SUPT3H: variants seen among roughly 807,000 people sequenced by gnomAD.
SUPT3H encodes transcription initiation protein SPT3 homolog.
SUPT3H carries 44 observed loss-of-function variants against 44.3 expected under a neutral mutation model. The observed-to-expected ratio is 0.99, with a 90% CI of 0.78 to 1.28. The LOEUF is 1.28. Among genes scored for constraint, SUPT3H ranks in the 50% most tolerant of loss-of-function variants. SUPT3H has a pLI of 0.00. For synonymous variants in SUPT3H, 124 were observed against 125.6 expected (o/e 0.99, Z 0.09); for missense variants, 380 against 387.1 (o/e 0.98, Z 0.15).
chr6:45,230,736 G>A (rs1202293194), intron 2 of SUPT3H, among the ~76,000 whole-genome samples: 5 of 142,766 alleles, frequency 3.5e-5, no homozygotes, highest in South Asian at 4.6e-4. Flanking sequence ...GCAGTGGCAC[G>A]ATCTCGGCTC....
intron 10 of SUPT3H, among the ~76,000 whole-genome samples, chr6:44,879,817 C>G (rs965043523): frequency 3.3e-5 from 5 of 152,184 alleles, no homozygotes; most frequent in Admixed American, 2.6e-4. Flanking sequence ...CATACTCCAG[C>G]AGACCTGCAG....
chr6:44,975,602 G>A (rs947517844), intron 6 of SUPT3H, among the ~76,000 whole-genome samples: 1 of 151,772 alleles, frequency 6.6e-6, no homozygotes, highest in South Asian at 2.1e-4. Flanking sequence ...GGGGGTGAGG[G>A]ATAAAAGACT....
chr6:45,375,787 T>C (rs1248558799), intron 1 of SUPT3H, among the ~76,000 whole-genome samples: 1 of 152,118 alleles, frequency 6.6e-6, no homozygotes, highest in Non-Finnish European at 1.5e-5. Flanking sequence ...TTTGTTCTTT[T>C]AGTTTTATTT....
intron 2 of SUPT3H, among the ~76,000 whole-genome samples, chr6:45,196,529 T>G (rs996927019): frequency 6.6e-6 from 1 of 152,084 alleles, no homozygotes; most frequent in African/African-American, 2.4e-5. Context: ...ACTGAAAGAC[T>G]TTCATTATGC....
chr6:44,864,893 T>C (rs917179686), intron 10 of SUPT3H, among the ~76,000 whole-genome samples: 5 of 152,348 alleles, frequency 3.3e-5, no homozygotes, highest in Middle Eastern at 3.4e-3. Flanking sequence ...TTTCTAAAGC[T>C]GGCTTGAATT....
intron 10 of SUPT3H, among the ~76,000 whole-genome samples, chr6:44,863,851 T>C (rs572965923): frequency 6.6e-6 from 1 of 150,980 alleles, no homozygotes; most frequent in South Asian, 2.1e-4. Flanking sequence ...AGAATAAGAG[T>C]CAAGTGGAAC....
rs369387283 is a variant in SUPT3H, at chr6:45,219,182, T to C, written c.102-113176A>G. 5.3e-5 allele frequency among the ~76,000 whole-genome samples: 8 copies of C among 151,944 alleles called. No homozygotes were observed. The East Asian group carries it at 5.8e-4, about 11-fold the overall frequency. ...CTTAAATAAATGATCTAAGTTCTTA[T>C]CTCAAGAAAGTAGAAAAAAAGCAAA... On this transcript the variant is annotated intron_variant, in intron 2 of 10. Transcript: ENST00000371459.
At chr6:45,273,262 G>A (rs1246610154) in intron 2 of SUPT3H, among the ~76,000 whole-genome samples, 4 of 152,024 alleles carry the variant, frequency 2.6e-5, no homozygotes. Flanking sequence ...AAATTGATGT[G>A]GATGGTCCGC....
At chr6:44,961,636 C>A (rs2153477752) in intron 7 of SUPT3H, 117 bp downstream of exon 7, 1 of 804,658 alleles carries the variant, frequency 1.2e-6, no homozygotes, top group Non-Finnish European at 2.1e-6. Flanking sequence ...ATAGCACTTA[C>A]AACTACACAT....
chr6:45,266,401 C>T (rs902404584), intron 2 of SUPT3H, among the ~76,000 whole-genome samples: 2 of 151,408 alleles, frequency 1.3e-5, no homozygotes, highest in African/African-American at 4.9e-5. Context: ...CCTCAAACAA[C>T]CAAGAAGAAA....
intron 2 of SUPT3H, among the ~76,000 whole-genome samples, chr6:45,141,923 T>C (rs547803642): frequency 1.3e-5 from 2 of 152,130 alleles, no homozygotes; most frequent in African/African-American, 2.4e-5. Context: ...AAAAAGATCA[T>C]TGCCTAAGCA....
intron 10 of SUPT3H, among the ~76,000 whole-genome samples, chr6:44,846,406 T>G (rs571571545): frequency 4.6e-4 from 70 of 152,156 alleles, no homozygotes; most frequent in African/African-American, 1.6e-3. Flanking sequence ...CAAAGGTAGT[T>G]CAGACACCAG....
chr6:45,320,351 C>T (rs4401652), intron 2 of SUPT3H, among the ~76,000 whole-genome samples: 1 of 151,850 alleles, frequency 6.6e-6, no homozygotes, highest in Admixed American at 6.6e-5. Flanking sequence ...GCAGCCTGCA[C>T]CTCCTGGGGT....
chr6:44,972,732 A>G (rs1448710650), intron 6 of SUPT3H, among the ~76,000 whole-genome samples: 3 of 152,072 alleles, frequency 2.0e-5, no homozygotes, highest in Non-Finnish European at 4.4e-5. Context: ...AGGTTCCCAA[A>G]CCTCAATTCT....
In SUPT3H at chr6:45,037,408, G is replaced by A. The variant is rs540866668; in HGVS notation, c.187-16776C>T. Among the ~76,000 whole-genome samples the A allele has an allele frequency of 5.9e-5, 9 of 151,876 alleles. No individual in the cohort carries two copies. In the East Asian group the frequency reaches 1.7e-3, roughly 29 times the overall value. Reference sequence around the variant, plus strand: ...TCATGTCTGTAATCCCAGCACTTTGGGAGGCTGAGGCGGGGGGATCACAAG... The same window carrying A: ...TCATGTCTGTAATCCCAGCACTTTGAGAGGCTGAGGCGGGGGGATCACAAG... On this transcript the variant is annotated intron_variant, in intron 3 of 10. Coordinates refer to ENST00000371459, the MANE Select transcript of SUPT3H (RefSeq NM_003599.4).
chr6:45,176,647 A>G (rs2153610328), intron 2 of SUPT3H, among the ~76,000 whole-genome samples: 1 of 152,346 alleles, frequency 6.6e-6, no homozygotes, highest in East Asian at 1.9e-4. Context: ...AAAAGACAGC[A>G]GTAACCTCTG....
intron 2 of SUPT3H, among the ~76,000 whole-genome samples, chr6:45,171,133 T>C (rs1469233157): frequency 6.6e-6 from 1 of 152,220 alleles, no homozygotes; most frequent in East Asian, 1.9e-4. Flanking sequence ...TGTATTTTAA[T>C]TTCTACTAAC....
At chr6:44,918,332 C>T (rs985185282) in intron 10 of SUPT3H, among the ~76,000 whole-genome samples, 2 of 152,070 alleles carry the variant, frequency 1.3e-5, no homozygotes, top group African/African-American at 4.8e-5. Flanking sequence ...TAAAAAGTCC[C>T]CACATCAGAT....
chr6:44,852,549 T>G (rs1160182587), intron 10 of SUPT3H, among the ~76,000 whole-genome samples: 1 of 152,190 alleles, frequency 6.6e-6, no homozygotes, highest in African/African-American at 2.4e-5. Context: ...AGCTTTCTGT[T>G]ACTTTCCTTA....
Sources: allele counts gnomAD v4.1 joint callset (sites outside exome capture counted in the v4.1 genomes callset), GRCh38; gene constraint gnomAD v4.1.1; transcripts MANE v1.5; gene names NCBI Gene and HGNC (gene_info 2026-07-23, HGNC 2026-07-21).